TASP1: variants seen among roughly 807,000 people sequenced by gnomAD.
The protein encoded by TASP1 is threonine aspartase 1.
A neutral mutation model predicts 56.6 loss-of-function variants in TASP1; 16 were observed. The observed-to-expected ratio is 0.28, with a 90% CI of 0.19 to 0.43. TASP1 has a LOEUF of 0.43. TASP1 is among the 20% of genes least tolerant of loss of function. The probability of loss-of-function intolerance (pLI) is 1.00; values close to 1 mark genes in which losing one functional copy is unlikely to be tolerated. For synonymous variants in TASP1, 179 were observed against 184.2 expected (o/e 0.97, Z 0.23); for missense variants, 393 against 511.6 (o/e 0.77, Z 2.24).
chr20:13,540,966 C>T (rs1201040774), intron 8 of TASP1, among the ~76,000 whole-genome samples: 1 of 152,018 alleles, frequency 6.6e-6, no homozygotes, highest in Non-Finnish European at 1.5e-5. Flanking sequence ...AATTTTTCAA[C>T]TTTTTCCTAT....
the TASP1 span, among the ~76,000 whole-genome samples, chr20:13,351,881 A>G: frequency 6.6e-6 from 1 of 152,236 alleles, no homozygotes; most frequent in South Asian, 2.1e-4. Flanking sequence ...TTTGTATCCA[A>G]TTCTGTAGCC....
At chr20:13,506,109 C>T (rs1299191231) in intron 10 of TASP1, among the ~76,000 whole-genome samples, 2 of 152,052 alleles carry the variant, frequency 1.3e-5, no homozygotes, top group East Asian at 1.9e-4. Flanking sequence ...CAAGACACTA[C>T]CATGAACAAT....
At chr20:13,172,723 G>A in the TASP1 span, among the ~76,000 whole-genome samples, 1 of 152,100 alleles carries the variant, frequency 6.6e-6, no homozygotes, top group African/African-American at 2.4e-5. Context: ...GTAAAACGGG[G>A]ATTTTTTTAA....
At chr20:13,500,031 G>C (rs2043886327) in intron 10 of TASP1, among the ~76,000 whole-genome samples, 1 of 151,698 alleles carries the variant, frequency 6.6e-6, no homozygotes, top group Admixed American at 6.6e-5. Context: ...ACTGGGTAGA[G>C]TGTTCACAAT....
At chr20:13,257,967 T>A in the TASP1 span, among the ~76,000 whole-genome samples, 1 of 152,076 alleles carries the variant, frequency 6.6e-6, no homozygotes, top group African/African-American at 2.4e-5. Flanking sequence ...CATAGCCTAC[T>A]TACTATCTAG....
chr20:13,423,313 AT>A (rs1484801792), intron 12 of TASP1, among the ~76,000 whole-genome samples: 1 of 152,206 alleles, frequency 6.6e-6, no homozygotes, highest in Non-Finnish European at 1.5e-5. Context: ...ACACATTGTC[AT>A]TTACTACACA....
At chr20:13,558,537 A>G (rs2046238650) in intron 8 of TASP1, among the ~76,000 whole-genome samples, 1 of 152,138 alleles carries the variant, frequency 6.6e-6, no homozygotes, top group South Asian at 2.1e-4. Flanking sequence ...AATATATTAA[A>G]CTATTAGGAA....
chr20:13,551,637 C>T (rs767626188), intron 8 of TASP1, among the ~76,000 whole-genome samples: 6 of 152,088 alleles, frequency 3.9e-5, no homozygotes, highest in Non-Finnish European at 7.4e-5. Context: ...TTTCCCAATA[C>T]GAGGGTCTCC....
chr20:13,540,516 A>C (rs1339277473), intron 8 of TASP1, among the ~76,000 whole-genome samples: 1 of 152,216 alleles, frequency 6.6e-6, no homozygotes, highest in Middle Eastern at 3.2e-3. Flanking sequence ...GGGAATGGGT[A>C]AACGAATCAT....
intron 11 of TASP1, among the ~76,000 whole-genome samples, chr20:13,436,840 A>C (rs2043022573): frequency 6.6e-6 from 1 of 152,178 alleles, no homozygotes; most frequent in African/African-American, 2.4e-5. Flanking sequence ...CAAGATGACA[A>C]GTATGACTCA....
In TASP1 at chr20:13,553,453, T is replaced by C. The variant is rs149863560; in HGVS notation, c.675+5555A>G. Among the ~76,000 whole-genome samples the C allele has an allele frequency of 5.5e-3, 833 of 152,178 alleles. 4 individuals are homozygous for C. The highest frequency in any genetic ancestry group is 9.4e-3 in the Non-Finnish European group (636 of 68,004). Reference sequence around the variant, plus strand: ...AGACAGGTCTACCCAGAGAGTGAAGTAGAACAGAACTTAAGGACTACTATT... The same window carrying C: ...AGACAGGTCTACCCAGAGAGTGAAGCAGAACAGAACTTAAGGACTACTATT... On this transcript the variant is annotated intron_variant, in intron 8 of 13. Coordinates refer to ENST00000337743, the MANE Select transcript of TASP1 (RefSeq NM_017714.3).
the TASP1 span, among the ~76,000 whole-genome samples, chr20:13,325,689 T>C: frequency 1.3e-5 from 2 of 152,234 alleles, no homozygotes; most frequent in Non-Finnish European, 2.9e-5. Context: ...AACTGTGACA[T>C]GTGGGTAATA....
the TASP1 span, among the ~76,000 whole-genome samples, chr20:13,247,517 G>GGGGTGT: frequency 5.9e-3 from 826 of 139,890 alleles, 5 homozygotes; most frequent in African/African-American, 0.016. Context: ...CAAAGTGAGG[G>GGGGTGT]GTGTGTGTGT....
At chr20:13,565,229 TA>T (rs916208841) in intron 7 of TASP1, among the ~76,000 whole-genome samples, 8 of 151,852 alleles carry the variant, frequency 5.3e-5, no homozygotes, top group Non-Finnish European at 1.0e-4. Flanking sequence ...TTATACCATA[TA>T]AAAAAATTAA....
the TASP1 span, chr20:13,288,694 C>T: frequency 3.7e-6 from 6 of 1,610,036 alleles, no homozygotes; most frequent in Non-Finnish European, 5.1e-6. Flanking sequence ...GTGCGTTTAC[C>T]TGAGTGTGTA....
the TASP1 span, among the ~76,000 whole-genome samples, chr20:13,345,398 C>G: frequency 6.6e-6 from 1 of 152,336 alleles, no homozygotes; most frequent in African/African-American, 2.4e-5. Context: ...CGCCAAGCCC[C>G]TGGAACCAGC....
At chr20:13,170,949 C>G in the TASP1 span, among the ~76,000 whole-genome samples, 2 of 152,174 alleles carry the variant, frequency 1.3e-5, no homozygotes, top group Admixed American at 6.6e-5. Flanking sequence ...AATCAATCTA[C>G]CCTACAACTT....
At chr20:13,572,987 A>C (rs996611405) in intron 6 of TASP1, among the ~76,000 whole-genome samples, 4 of 152,142 alleles carry the variant, frequency 2.6e-5, no homozygotes, top group Admixed American at 6.5e-5. Context: ...AACATAACTA[A>C]TTCTCTGGAC....
the TASP1 span, among the ~76,000 whole-genome samples, chr20:13,269,284 G>A: frequency 2.6e-5 from 4 of 152,326 alleles, no homozygotes; most frequent in Admixed American, 2.6e-4. Flanking sequence ...TGAGAGGAGA[G>A]AGGGAGAAAA....
Sources: allele counts gnomAD v4.1 joint callset (sites outside exome capture counted in the v4.1 genomes callset), GRCh38; gene constraint gnomAD v4.1.1; transcripts MANE v1.5; gene names NCBI Gene and HGNC (gene_info 2026-07-23, HGNC 2026-07-21).